Variants in TANGO6 observed in about 807,000 individuals in gnomAD.
TANGO6 encodes the protein transport and Golgi organization protein 6 homolog.
A neutral mutation model predicts 114.2 loss-of-function variants in TANGO6; 90 were observed. The observed-to-expected ratio is 0.79, with a 90% confidence interval of 0.66 to 0.94. The LOEUF is 0.94. Among genes scored for constraint, TANGO6 ranks in the 40% least tolerant of loss-of-function variants. The pLI is 0.00. For synonymous variants in TANGO6, 477 were observed against 509.8 expected, an observed-to-expected ratio of 0.94 and a Z score of 0.87; for missense variants, 1,274 against 1,315.3, an observed-to-expected ratio of 0.97 and a Z score of 0.49.
chr16:68,966,066 C>T (rs1411892707), intron 14 of TANGO6, among the ~76,000 whole-genome samples: 2 of 151,322 alleles, frequency 1.3e-5, no homozygotes, highest in African/African-American at 4.9e-5. Context: ...ACCTCGTCTC[C>T]ACAAAAAATA....
chr16:69,028,870 A>G (rs976410608), intron 16 of TANGO6, among the ~76,000 whole-genome samples: 7 of 151,042 alleles, frequency 4.6e-5, no homozygotes, highest in South Asian at 4.2e-4. Context: ...AAAAAAAAAA[A>G]AAAAGAAAAA....
At chr16:68,958,818 G>A (rs1171548634) in intron 14 of TANGO6, among the ~76,000 whole-genome samples, 3 of 151,444 alleles carry the variant, frequency 2.0e-5, no homozygotes, top group Non-Finnish European at 4.4e-5. Flanking sequence ...CTTGCCTGTG[G>A]TCCCAGCTAC....
chr16:69,029,733 A>G (rs1362117343), intron 16 of TANGO6, among the ~76,000 whole-genome samples: 4 of 152,126 alleles, frequency 2.6e-5, no homozygotes, highest in South Asian at 2.1e-4. Flanking sequence ...TTATTTTTCT[A>G]TATTAAGATT....
At chr16:69,049,776 A>G (rs1191021588) in intron 17 of TANGO6, among the ~76,000 whole-genome samples, 1 of 149,426 alleles carries the variant, frequency 6.7e-6, no homozygotes, top group African/African-American at 2.5e-5. Context: ...GGGTCTCACT[A>G]TGTTGCCCAG....
At chr16:69,017,079 A>C (rs1314202009) in intron 15 of TANGO6, among the ~76,000 whole-genome samples, 3 of 152,230 alleles carry the variant, frequency 2.0e-5, no homozygotes, top group Non-Finnish European at 4.4e-5. Context: ...GGTAACAGGG[A>C]GTAGTGAAAA....
At chr16:68,989,621 G>T (rs1307267087) in intron 15 of TANGO6, among the ~76,000 whole-genome samples, 1 of 152,074 alleles carries the variant, frequency 6.6e-6, no homozygotes, top group Non-Finnish European at 1.5e-5. Context: ...ACTGTTGATT[G>T]TCTTTTTCCT....
intron 1 of TANGO6, among the ~76,000 whole-genome samples, chr16:68,856,766 T>G (rs1177445583): frequency 6.6e-6 from 1 of 152,186 alleles, no homozygotes; most frequent in Non-Finnish European, 1.5e-5. Context: ...CATAATATCA[T>G]ATATCCATCA....
intron 15 of TANGO6, among the ~76,000 whole-genome samples, chr16:68,994,124 A>G (rs914365373): frequency 6.6e-6 from 1 of 152,242 alleles, no homozygotes; most frequent in Non-Finnish European, 1.5e-5. Context: ...ACGTAACTAT[A>G]GAAGTCCTGG....
chr16:68,869,087 G>A (rs539435889), intron 4 of TANGO6, among the ~76,000 whole-genome samples: 1 of 152,180 alleles, frequency 6.6e-6, no homozygotes, highest in South Asian at 2.1e-4. Flanking sequence ...ACTTCCTGGA[G>A]TTAATCTTTT....
chr16:68,860,507 C>G lies in TANGO6; in HGVS notation c.718C>G (p.Leu240Val), dbSNP rs765614248. The stretch of plus-strand genomic sequence containing the variant: ...ATTCTGCCCAACCAAAAGAAAACTG[C>G]TAACACCTGCAGAAGAGGTAAATAT... ...LGFCPTKRKL[L>V]TPAEEVLTEE... is the part of the protein sequence containing the mutation. The change falls in exon 2 of 18, where the codon CTA becomes GTA. Residue 240 changes from leucine to valine, a missense_variant. Leu to Val is a conservative substitution (Grantham distance 32). Transcript: ENST00000261778. 18 of 1,613,360 alleles carry G rather than the reference C, an allele frequency of 1.1e-5. No homozygotes were observed. The highest frequency in any genetic ancestry group is 1.5e-5 in the Non-Finnish European group (18 of 1,179,618).
At chr16:68,936,644 A>C (rs1963301799) in intron 14 of TANGO6, among the ~76,000 whole-genome samples, 1 of 152,154 alleles carries the variant, frequency 6.6e-6, no homozygotes, top group African/African-American at 2.4e-5. Flanking sequence ...CTATAGCCAG[A>C]TTATTTCTAT....
intron 14 of TANGO6, among the ~76,000 whole-genome samples, chr16:68,938,861 G>T (rs528960600): frequency 1.3e-5 from 2 of 151,894 alleles, no homozygotes; most frequent in South Asian, 2.1e-4. Flanking sequence ...GAAGGATTGG[G>T]TTAACATTAC....
At chr16:68,977,684 CAG>C (rs1397046608) in intron 15 of TANGO6, among the ~76,000 whole-genome samples, 2 of 150,722 alleles carry the variant, frequency 1.3e-5, no homozygotes, top group Non-Finnish European at 3.0e-5. Flanking sequence ...AGCCTGGCAA[CAG>C]AGCCAGATTC....
chr16:68,843,858 T>G lies in TANGO6; in HGVS notation c.94+147T>G, dbSNP rs144850382. The G allele has an allele frequency of 2.6e-3, 1,855 of 718,992 alleles. 66 individuals carry two copies. The Admixed American group carries it at 0.047, about 18-fold the overall frequency. The allele number at this position is 718,992 out of a possible 1,614,324, so 44.5% of individuals were successfully genotyped here. ...TGCTGGGGGCTTTGAGCATTGTCTA[T>G]GCCCGTCCTCATTACGTTCTTGAGG... On this transcript the variant is annotated intron_variant, in intron 1 of 17. Transcript: ENST00000261778.
At chr16:69,035,069 A>C (rs1959664772) in intron 16 of TANGO6, 2 of 152,142 alleles carry the variant, frequency 1.3e-5, no homozygotes, top group South Asian at 4.1e-4. Flanking sequence ...CATGGTGCCC[A>C]GAATTCCACA....
At chr16:69,039,309 C>G (rs2152233947) in intron 16 of TANGO6, among the ~76,000 whole-genome samples, 1 of 145,446 alleles carries the variant, frequency 6.9e-6, no homozygotes, top group Admixed American at 7.0e-5. Flanking sequence ...GCCTGGGCAA[C>G]AGAGCGAGAC....
intron 14 of TANGO6, among the ~76,000 whole-genome samples, chr16:68,966,770 A>AT (rs772432410): frequency 0.032 from 4,099 of 129,054 alleles, 118 homozygotes; most frequent in East Asian, 0.073. Flanking sequence ...TGTCTGGCTA[A>AT]TTTTTTTTTT....
At chr16:68,853,489 G>A (rs1424878729) in intron 1 of TANGO6, among the ~76,000 whole-genome samples, 2 of 152,026 alleles carry the variant, frequency 1.3e-5, no homozygotes, top group Non-Finnish European at 2.9e-5. Flanking sequence ...TTTTTAACCC[G>A]TAGATTAGTT....
At chr16:69,057,798 C>T (rs945678353) in intron 17 of TANGO6, among the ~76,000 whole-genome samples, 3 of 152,118 alleles carry the variant, frequency 2.0e-5, no homozygotes, top group Admixed American at 1.3e-4. Context: ...CCTGACCTCC[C>T]GGGACCTGCC....
Sources: gnomAD v4.1 joint callset for allele counts (sites outside exome capture counted in the v4.1 genomes callset) on GRCh38, gnomAD v4.1.1 for gene constraint, MANE v1.5 for transcripts, NCBI Gene and HGNC (gene_info 2026-07-23, HGNC 2026-07-21) for gene names.